Variants in DOCK3 observed in about 807,000 individuals in gnomAD.
DOCK3 encodes the protein dedicator of cytokinesis protein 3.
A neutral mutation model predicts 265.6 loss-of-function variants in DOCK3; 60 were observed. The observed-to-expected ratio is 0.23, with a 90% CI of 0.18 to 0.28. The LOEUF (loss-of-function observed/expected upper bound fraction) is 0.28, where lower values mean the gene tolerates loss of function less well. DOCK3 is among the 10% of genes least tolerant of loss of function. The pLI, the probability that DOCK3 is intolerant of heterozygous loss-of-function variation, is 1.00. For synonymous variants in DOCK3, 881 were observed against 938.0 expected, an observed-to-expected ratio of 0.94 and a Z score of 1.11; for missense variants, 1,981 against 2,594.3, an observed-to-expected ratio of 0.76 and a Z score of 5.14.
intron 5 of DOCK3, among the ~76,000 whole-genome samples, chr3:51,013,390 CT>C: frequency 6.6e-6 from 1 of 152,230 alleles, no homozygotes; most frequent in South Asian, 2.1e-4. Context: ...GTTAGTTTTC[CT>C]TATAACAATC....
At chr3:51,089,306 T>A (rs2082546021) in intron 8 of DOCK3, 22 bp downstream of exon 8, 1 of 1,603,156 alleles carries the variant, frequency 6.2e-7, no homozygotes. Flanking sequence ...TCCTGGGTCT[T>A]CCAGCCTTTC....
intron 2 of DOCK3, among the ~76,000 whole-genome samples, chr3:50,826,984 A>G (rs1426275473): frequency 1.3e-5 from 2 of 152,212 alleles, no homozygotes; most frequent in African/African-American, 2.4e-5. Context: ...TCCAGAATGT[A>G]AGGAGACGGG....
intron 46 of DOCK3, among the ~76,000 whole-genome samples, chr3:51,358,302 C>T (rs1451964338): frequency 6.6e-6 from 1 of 152,184 alleles, no homozygotes; most frequent in African/African-American, 2.4e-5. Flanking sequence ...AAAGGAGGAG[C>T]CAGATTCAAG....
intron 7 of DOCK3, among the ~76,000 whole-genome samples, chr3:51,084,225 T>TA (rs2109476280): frequency 6.6e-6 from 1 of 152,098 alleles, no homozygotes. Context: ...GACATCCAAA[T>TA]ACAGAAAGCT....
intron 1 of DOCK3, among the ~76,000 whole-genome samples, chr3:50,706,667 C>T (rs1043384246): frequency 6.6e-6 from 1 of 152,094 alleles, no homozygotes; most frequent in Non-Finnish European, 1.5e-5. Flanking sequence ...CAGTTATTAT[C>T]TTGTTAGGCA....
intron 6 of DOCK3, among the ~76,000 whole-genome samples, chr3:51,069,325 T>C (rs1319477937): frequency 5.9e-5 from 9 of 152,136 alleles, no homozygotes. Flanking sequence ...TCTCTAGTGA[T>C]GTAATTTTAA....
intron 27 of DOCK3, among the ~76,000 whole-genome samples, chr3:51,286,628 C>A (rs555522138): frequency 6.6e-6 from 1 of 152,126 alleles, no homozygotes; most frequent in South Asian, 2.1e-4. Context: ...GACACATAGA[C>A]CAAAGGAACA....
At chr3:51,084,657 A>G (rs1281512415) in intron 7 of DOCK3, among the ~76,000 whole-genome samples, 1 of 152,252 alleles carries the variant, frequency 6.6e-6, no homozygotes, top group Non-Finnish European at 1.5e-5. Flanking sequence ...ACACAAAAGT[A>G]TAAAGCTTAC....
intron 5 of DOCK3, among the ~76,000 whole-genome samples, chr3:51,033,804 A>G (rs1182275118): frequency 6.6e-6 from 1 of 152,178 alleles, no homozygotes; most frequent in East Asian, 1.9e-4. Flanking sequence ...TTCATCTTCA[A>G]CAACGCCTCA....
chr3:50,916,455 C>A (rs944695992), intron 4 of DOCK3, among the ~76,000 whole-genome samples: 4 of 152,028 alleles, frequency 2.6e-5, no homozygotes, highest in African/African-American at 9.7e-5. Flanking sequence ...CCAACTTTCT[C>A]TTCTCACCAG....
intron 5 of DOCK3, among the ~76,000 whole-genome samples, chr3:50,963,983 A>AG: frequency 6.6e-6 from 1 of 152,374 alleles, no homozygotes; most frequent in African/African-American, 2.4e-5. Flanking sequence ...ACTCAGGGCT[A>AG]GGGAAACACT....
intron 2 of DOCK3, among the ~76,000 whole-genome samples, chr3:50,810,589 C>G (rs1263254136): frequency 1.3e-5 from 2 of 152,078 alleles, no homozygotes; most frequent in Non-Finnish European, 2.9e-5. Flanking sequence ...GATTTGCACA[C>G]TTACGGATGT....
At chr3:50,805,710 G>A (rs922936882) in intron 2 of DOCK3, among the ~76,000 whole-genome samples, 1 of 152,140 alleles carries the variant, frequency 6.6e-6, no homozygotes, top group Non-Finnish European at 1.5e-5. Flanking sequence ...ATCTGATCTG[G>A]ATTTTGCCCA....
At chr3:51,256,511 T>G (rs147237564) in intron 22 of DOCK3, among the ~76,000 whole-genome samples, 79 of 152,082 alleles carry the variant, frequency 5.2e-4, no homozygotes, top group African/African-American at 1.9e-3. Context: ...CCTCAGGTGA[T>G]CCGGCTGCCT....
intron 23 of DOCK3, among the ~76,000 whole-genome samples, chr3:51,268,750 T>A: frequency 6.6e-6 from 1 of 151,828 alleles, no homozygotes; most frequent in East Asian, 1.9e-4. Context: ...TGTAAGGGAG[T>A]GGACTCTATA....
intron 6 of DOCK3, among the ~76,000 whole-genome samples, chr3:51,070,545 A>G (rs1429941673): frequency 6.6e-6 from 1 of 152,206 alleles, no homozygotes; most frequent in Admixed American, 6.5e-5. Flanking sequence ...TAGCCCAAGT[A>G]AATGTTTGGT....
chr3:51,113,124 C>T (rs1005219211), intron 9 of DOCK3, among the ~76,000 whole-genome samples: 2 of 152,004 alleles, frequency 1.3e-5, no homozygotes, highest in Non-Finnish European at 2.9e-5. Context: ...TAAAACAAGA[C>T]AGAGAAAATC....
intron 25 of DOCK3, among the ~76,000 whole-genome samples, chr3:51,275,904 AC>A (rs1357809542): frequency 6.6e-6 from 1 of 152,206 alleles, no homozygotes; most frequent in Non-Finnish European, 1.5e-5. Context: ...TATTTCATGT[AC>A]TTTTGATAAT....
chr3:51,202,519 A>G (rs1173936387), intron 12 of DOCK3, among the ~76,000 whole-genome samples: 2 of 152,206 alleles, frequency 1.3e-5, no homozygotes, highest in African/African-American at 2.4e-5. Flanking sequence ...AATTGTGGCA[A>G]TAATCAATAG....
Sources: allele counts gnomAD v4.1 joint callset (sites outside exome capture counted in the v4.1 genomes callset), GRCh38; gene constraint gnomAD v4.1.1; transcripts MANE v1.5; gene names NCBI Gene and HGNC (gene_info 2026-07-23, HGNC 2026-07-21).